Variants in ANK1 observed in about 807,000 individuals in gnomAD.
The protein encoded by ANK1 is ankyrin-1.
ANK1 carries 51 observed loss-of-function variants against 210.4 expected under a neutral mutation model. That is an observed-to-expected ratio of 0.24 (90% confidence interval 0.19 to 0.31). The LOEUF is 0.31. ANK1 is among the 10% of genes least tolerant of loss of function. ANK1 has a pLI of 1.00. For missense variants in ANK1, 2,051 were observed against 2,504.4 expected, an observed-to-expected ratio of 0.82 and a Z score of 3.86; for synonymous variants, 967 against 1,025.9, an observed-to-expected ratio of 0.94 and a Z score of 1.10.
At position 41,665,122 on chromosome 8, in the gene ANK1, G is replaced by A. The variant is rs577748398; in HGVS notation, c.5395-1380C>T. The A allele has an allele frequency of 2.7e-5, 42 of 1,553,276 alleles. No homozygotes were observed. In the South Asian group the frequency reaches 4.7e-4, roughly 17 times the overall value. On this transcript the variant is annotated intron_variant, in intron 39 of 42. Transcript: ENST00000289734. The stretch of plus-strand genomic sequence containing the variant: ...CCACTGGGACTCCTGAGTCCCCCAG[G>A]GACCCCTTGCATTCCCCCTCCCTAT...
intron 39 of ANK1, chr8:41,665,258 C>G: frequency 6.6e-7 from 1 of 1,506,154 alleles, no homozygotes; most frequent in Admixed American, 2.0e-5. Flanking sequence ...GCCCAGCAGC[C>G]AGGCTCTGCC....
intron 38 of ANK1, among the ~76,000 whole-genome samples, chr8:41,670,746 A>G (rs1039933279): frequency 1.3e-5 from 2 of 152,202 alleles, no homozygotes; most frequent in South Asian, 2.1e-4. Context: ...GAGGGGTCAC[A>G]CAGGTGGGGA....
In ANK1 at chr8:41,885,074, A is replaced by G. The variant is rs182647259; in HGVS notation, c.126+11281T>C. On this transcript the variant is annotated intron_variant, in intron 1 of 42. Transcript: ENST00000265709. Reference sequence around the variant, plus strand: ...ATCACATTTGTGTTTGAAAAAAAAAAAGGGGCTCTCGCTGCAAGATAAAGA... The same window carrying G: ...ATCACATTTGTGTTTGAAAAAAAAAGAGGGGCTCTCGCTGCAAGATAAAGA... Among the ~76,000 whole-genome samples, 132 of 152,188 alleles carry G rather than the reference A, an allele frequency of 8.7e-4. 1 individual carries two copies. The East Asian group carries it at 0.019, about 22-fold the overall frequency.
intron 1 of ANK1, among the ~76,000 whole-genome samples, chr8:41,822,960 C>G (rs1308682788): frequency 6.6e-6 from 1 of 152,206 alleles, no homozygotes; most frequent in African/African-American, 2.4e-5. Context: ...TCGCTGAGCA[C>G]CGCTGAGCCT....
chr8:41,656,227 G>A (rs1418850437), intron 42 of ANK1, among the ~76,000 whole-genome samples: 4 of 152,274 alleles, frequency 2.6e-5, no homozygotes, highest in African/African-American at 9.6e-5. Context: ...TCTCAGTTCA[G>A]CTCTGCCAAC....
At position 41,660,734 on chromosome 8, in the gene ANK1, C is replaced by G. The variant is rs192549361; in HGVS notation, c.*36+696G>C. 8.5e-5 allele frequency among the ~76,000 whole-genome samples: 13 copies of G among 152,334 alleles called. No individual in the cohort carries two copies. In the East Asian group the frequency reaches 2.5e-3, roughly 30 times the overall value. On this transcript the variant is annotated intron_variant, in intron 42 of 42. Coordinates refer to ENST00000289734, the MANE Select transcript of ANK1 (RefSeq NM_000037.4). Reference sequence around the variant, plus strand: ...TGACTTGCAGAAAGCACGTCGTCCACCCCTTAGGCCTGTCGGCTCAGCCCT... The same window carrying G: ...TGACTTGCAGAAAGCACGTCGTCCAGCCCTTAGGCCTGTCGGCTCAGCCCT...
At chr8:41,793,677 T>C (rs1848199351) in intron 1 of ANK1, among the ~76,000 whole-genome samples, 1 of 152,180 alleles carries the variant, frequency 6.6e-6, no homozygotes, top group Non-Finnish European at 1.5e-5. Flanking sequence ...CGAGCTTTCT[T>C]GACAGCTCAT....
At chr8:41,875,331 A>C (rs1451967938) in intron 1 of ANK1, among the ~76,000 whole-genome samples, 1 of 152,234 alleles carries the variant, frequency 6.6e-6, no homozygotes, top group Non-Finnish European at 1.5e-5. Flanking sequence ...TGGAGGCAGG[A>C]GGAGGCAGGG....
chr8:41,699,643 T>C, intron 22 of ANK1, 95 bp from the exon 23 acceptor site: 2 of 1,208,204 alleles, frequency 1.7e-6, no homozygotes, highest in South Asian at 1.2e-5. Context: ...CTCTGGGGGC[T>C]TGCTCCTGAG....
chr8:41,724,584 TTA>T (rs746922131), intron 6 of ANK1, 30 bp from the exon 7 acceptor site: 116 of 1,547,624 alleles, frequency 7.5e-5, no homozygotes, highest in Non-Finnish European at 9.6e-5. Flanking sequence ...GAGAAACTTG[TTA>T]TATGTGATTT....
At chr8:41,843,359 T>C (rs962932592) in intron 1 of ANK1, among the ~76,000 whole-genome samples, 1 of 152,204 alleles carries the variant, frequency 6.6e-6, no homozygotes, top group Non-Finnish European at 1.5e-5. Context: ...TCCATCTTAC[T>C]GTGCACTTGT....
At chr8:41,849,845 G>C (rs1810883548) in intron 1 of ANK1, among the ~76,000 whole-genome samples, 1 of 152,146 alleles carries the variant, frequency 6.6e-6, no homozygotes, top group African/African-American at 2.4e-5. Flanking sequence ...TGAAGTTTGA[G>C]AAAACTTATT....
Position 41,672,882 on chromosome 8 carries a change from G to A in ANK1, c.4568C>T (p.Ser1523Phe). ...GYSSLQDELLSPASLGCALSS... is the reference protein window; with the variant it reads ...GYSSLQDELLFPASLGCALSS... ...AAGTGCACAGCCCAGGGAGGCAGGG[G>A]ACAGCAGCTCGTCCTGCAGTGAGGA... Residue 1523 changes from serine to phenylalanine, a missense_variant, in exon 38 of 43, where the codon TCC becomes TTC. Physicochemically the swap from Ser to Phe is radical, Grantham distance 155 (BLOSUM62 -2). Transcript: ENST00000289734. 1 of 1,605,434 alleles carries A rather than the reference G, an allele frequency of 6.2e-7. No individual in the cohort carries two copies. The highest frequency in any genetic ancestry group is 8.5e-7 in the Non-Finnish European group (1 of 1,179,932).
At chr8:41,840,968 C>T (rs984020022) in intron 1 of ANK1, among the ~76,000 whole-genome samples, 2 of 152,252 alleles carry the variant, frequency 1.3e-5, no homozygotes, top group African/African-American at 4.8e-5. Flanking sequence ...GAAATGGTGT[C>T]GCTGCTACAG....
intron 1 of ANK1, among the ~76,000 whole-genome samples, chr8:41,886,347 T>G (rs1190671746): frequency 3.9e-5 from 6 of 152,012 alleles, no homozygotes; most frequent in Non-Finnish European, 8.8e-5. Context: ...GGCTGTGGGG[T>G]GGGTATTATT....
intron 1 of ANK1, among the ~76,000 whole-genome samples, chr8:41,892,518 C>G (rs953888010): frequency 6.6e-5 from 10 of 152,188 alleles, no homozygotes; most frequent in African/African-American, 2.4e-4. Context: ...GTTGTTGTTA[C>G]AAATGTCTAA....
intron 1 of ANK1, among the ~76,000 whole-genome samples, chr8:41,806,628 C>T (rs10089438): frequency 0.32 from 49,330 of 152,050 alleles, 8,325 homozygotes; most frequent in Middle Eastern, 0.45. Context: ...TTGCTCGAGC[C>T]TGGGAGTTAG....
intron 1 of ANK1, among the ~76,000 whole-genome samples, chr8:41,785,183 C>A (rs1846095232): frequency 6.6e-6 from 1 of 152,052 alleles, no homozygotes; most frequent in African/African-American, 2.4e-5. Context: ...CACATCAAGA[C>A]CTCTTCTCTA....
At chr8:41,665,490 C>T in intron 39 of ANK1, 1 of 347,596 alleles carries the variant, frequency 2.9e-6, no homozygotes, top group Non-Finnish European at 5.7e-6. Flanking sequence ...CTGCCCATCC[C>T]CATGGGAACT....
Sources: allele counts gnomAD v4.1 joint callset (sites outside exome capture counted in the v4.1 genomes callset), GRCh38; gene constraint gnomAD v4.1.1; transcripts MANE v1.5; gene names NCBI Gene and HGNC (gene_info 2026-07-23, HGNC 2026-07-21).